GALNTL6: variants seen among roughly 807,000 people sequenced by gnomAD.
GALNTL6 encodes the protein polypeptide N-acetylgalactosaminyltransferase like 6.
A neutral mutation model predicts 73.7 loss-of-function variants in GALNTL6; 46 were observed. The observed-to-expected ratio is 0.62, with a 90% CI of 0.49 to 0.80. The LOEUF is 0.80. Ranked by LOEUF, GALNTL6 falls within the 30% of genes least tolerant of loss-of-function variation. The probability of loss-of-function intolerance (pLI) is 0.00; values close to 1 mark genes in which losing one functional copy is unlikely to be tolerated. For missense variants in GALNTL6, 604 were observed against 755.0 expected (o/e 0.80, Z 2.34); for synonymous variants, 259 against 263.7 (o/e 0.98, Z 0.17).
intron 5 of GALNTL6, among the ~76,000 whole-genome samples, chr4:172,677,710 T>G (rs1320697457): frequency 6.6e-6 from 1 of 151,302 alleles, no homozygotes; most frequent in Non-Finnish European, 1.5e-5. Context: ...ATCCTTTGAG[T>G]CCAGGAGTTG....
chr4:172,113,075 A>G (rs1732898466), intron 2 of GALNTL6, among the ~76,000 whole-genome samples: 4 of 151,902 alleles, frequency 2.6e-5, no homozygotes, highest in Non-Finnish European at 5.9e-5. Context: ...ATATATAGGT[A>G]GGTAAATTTC....
intron 5 of GALNTL6, among the ~76,000 whole-genome samples, chr4:172,612,313 G>A (rs558551148): frequency 6.6e-6 from 1 of 152,148 alleles, no homozygotes; most frequent in South Asian, 2.1e-4. Context: ...GTATTATGAT[G>A]CAGATGATCT....
At chr4:172,427,891 A>G (rs1371252066) in intron 5 of GALNTL6, among the ~76,000 whole-genome samples, 3 of 152,202 alleles carry the variant, frequency 2.0e-5, no homozygotes, top group African/African-American at 4.8e-5. Flanking sequence ...TATTGCACAT[A>G]TAAGGAAAAG....
intron 5 of GALNTL6, among the ~76,000 whole-genome samples, chr4:172,494,413 A>G (rs1734001068): frequency 6.6e-6 from 1 of 152,194 alleles, no homozygotes; most frequent in African/African-American, 2.4e-5. Context: ...GAGATAATTA[A>G]CCAAGTCTTT....
At chr4:171,817,814 GT>G (rs1054779438) in intron 2 of GALNTL6, among the ~76,000 whole-genome samples, 10 of 151,430 alleles carry the variant, frequency 6.6e-5, no homozygotes, top group Non-Finnish European at 8.9e-5. Context: ...ACAATTAAAA[GT>G]TTTTTATGGT....
chr4:172,812,051 T>A (rs1361030865), intron 6 of GALNTL6, among the ~76,000 whole-genome samples: 1 of 148,120 alleles, frequency 6.8e-6, no homozygotes, highest in Non-Finnish European at 1.5e-5. Context: ...GATGGATGGA[T>A]GGATGGATGA....
chr4:173,029,591 T>C (rs1052397645), intron 12 of GALNTL6, among the ~76,000 whole-genome samples: 2 of 152,200 alleles, frequency 1.3e-5, no homozygotes, highest in Non-Finnish European at 2.9e-5. Context: ...GAGCAATGTC[T>C]CTGTTAATTT....
intron 4 of GALNTL6, among the ~76,000 whole-genome samples, chr4:172,333,426 A>C (rs536588840): frequency 1.3e-5 from 2 of 152,238 alleles, no homozygotes; most frequent in South Asian, 4.1e-4. Context: ...AATAAAAACA[A>C]AACAAAACAA....
In GALNTL6 at chr4:172,739,867, T is replaced by C. The variant is rs543646452; in HGVS notation, c.554-69494T>C. Reference sequence around the variant, plus strand: ...AATAAGCCTCTCAGTGGGGGAAAAGTTGGAGACAAAAGGGACAGTTAGAAA... The same window carrying C: ...AATAAGCCTCTCAGTGGGGGAAAAGCTGGAGACAAAAGGGACAGTTAGAAA... On this transcript the variant is annotated intron_variant, in intron 5 of 12. Transcript: ENST00000506823. Among the ~76,000 whole-genome samples, 15 of 151,910 alleles carry C rather than the reference T, an allele frequency of 9.9e-5. No individual in the cohort carries two copies. The East Asian group carries it at 2.9e-3, about 29-fold the overall frequency.
At chr4:172,889,451 G>GT (rs1192390357) in intron 8 of GALNTL6, among the ~76,000 whole-genome samples, 2 of 152,070 alleles carry the variant, frequency 1.3e-5, no homozygotes, top group Non-Finnish European at 2.9e-5. Context: ...TTTGTTGAGG[G>GT]TTTTTATCAT....
intron 5 of GALNTL6, among the ~76,000 whole-genome samples, chr4:172,640,329 T>A (rs1739914395): frequency 6.6e-6 from 1 of 152,110 alleles, no homozygotes; most frequent in Non-Finnish European, 1.5e-5. Flanking sequence ...TCTGCCTCCA[T>A]ACCTTTTACT....
At chr4:172,607,148 A>G (rs1738336371) in intron 5 of GALNTL6, among the ~76,000 whole-genome samples, 1 of 152,112 alleles carries the variant, frequency 6.6e-6, no homozygotes, top group Non-Finnish European at 1.5e-5. Flanking sequence ...AAAAAAGTAA[A>G]CAATTTGTCA....
At chr4:173,022,068 AAGGAAGGAAG>A (rs1753020672) in intron 12 of GALNTL6, among the ~76,000 whole-genome samples, 2 of 137,594 alleles carry the variant, frequency 1.5e-5, no homozygotes, top group South Asian at 5.0e-4. Flanking sequence ...GGAAGGAAGG[AAGGAAGGAAG>A]GAAGGAAGGA....
chr4:172,671,014 T>C (rs1731945024), intron 5 of GALNTL6, among the ~76,000 whole-genome samples: 1 of 152,234 alleles, frequency 6.6e-6, no homozygotes, highest in African/African-American at 2.4e-5. Flanking sequence ...TCTATGTGTC[T>C]GTTTTTGTAC....
chr4:172,135,782 AAAATT>A (rs1267803183), intron 2 of GALNTL6, among the ~76,000 whole-genome samples: 1 of 152,096 alleles, frequency 6.6e-6, no homozygotes, highest in Admixed American at 6.5e-5. Flanking sequence ...ATATATGAGA[AAAATT>A]TAATGATATT....
intron 2 of GALNTL6, among the ~76,000 whole-genome samples, chr4:171,868,327 C>T (rs1736029126): frequency 6.6e-6 from 1 of 152,086 alleles, no homozygotes; most frequent in Non-Finnish European, 1.5e-5. Flanking sequence ...AAGCTTTCTT[C>T]ATGTTTGTCT....
intron 5 of GALNTL6, among the ~76,000 whole-genome samples, chr4:172,566,756 A>T (rs1051088242): frequency 4.6e-5 from 7 of 151,994 alleles, no homozygotes; most frequent in Non-Finnish European, 1.5e-5. Context: ...ATTTTTTAAG[A>T]TAACAAAATC....
chr4:172,500,473 G>A (rs2110774211), intron 5 of GALNTL6, among the ~76,000 whole-genome samples: 1 of 152,170 alleles, frequency 6.6e-6, no homozygotes, highest in South Asian at 2.1e-4. Context: ...CTTGAAAGCA[G>A]GAAGTGAGGA....
At position 172,250,877 on chromosome 4, in the gene GALNTL6, T is replaced by C. The variant is rs1737840606; in HGVS notation, c.247+21113T>C. ...TTTTATGAATCACTGTTGGTCATTA[T>C]TCAGAAGGGATCAATAAACATATCA... On this transcript the variant is annotated intron_variant, in intron 3 of 12. Coordinates refer to ENST00000506823, the MANE Select transcript of GALNTL6 (RefSeq NM_001034845.3). 1.3e-5 allele frequency among the ~76,000 whole-genome samples: 2 copies of C among 152,184 alleles called. 1 individual carries two copies. The highest frequency in any genetic ancestry group is 4.1e-4 in the South Asian group (2 of 4,836).
Sources: allele counts gnomAD v4.1 joint callset (sites outside exome capture counted in the v4.1 genomes callset), GRCh38; gene constraint gnomAD v4.1.1; transcripts MANE v1.5; gene names NCBI Gene and HGNC (gene_info 2026-07-23, HGNC 2026-07-21).